Variants in EPN2 observed in about 807,000 individuals in gnomAD.
EPN2 encodes epsin-2.
A neutral mutation model predicts 61.7 loss-of-function variants in EPN2; 34 were observed. The ratio of observed to expected loss-of-function variants is 0.55; its 90% CI spans 0.42 to 0.73. The LOEUF (loss-of-function observed/expected upper bound fraction) is 0.73, where lower values mean the gene tolerates loss of function less well. EPN2 is among the 30% of genes least tolerant of loss of function. The pLI, the probability that EPN2 is intolerant of heterozygous loss-of-function variation, is 0.00. For synonymous variants in EPN2, 349 were observed against 353.6 expected, an observed-to-expected ratio of 0.99 and a Z score of 0.15; for missense variants, 714 against 839.2, an observed-to-expected ratio of 0.85 and a Z score of 1.84.
chr17:19,244,121 A>G (rs761288640), intron 1 of EPN2, among the ~76,000 whole-genome samples: 1 of 152,236 alleles, frequency 6.6e-6, no homozygotes, highest in Non-Finnish European at 1.5e-5. Context: ...CAGGTTCATC[A>G]TTCTCACACA....
At chr17:19,264,305 A>C (rs2045173739) in intron 1 of EPN2, among the ~76,000 whole-genome samples, 1 of 152,226 alleles carries the variant, frequency 6.6e-6, no homozygotes, top group South Asian at 2.1e-4. Flanking sequence ...TTTAGTGCGA[A>C]GTAAACTAAA....
intron 1 of EPN2, among the ~76,000 whole-genome samples, chr17:19,277,941 T>C (rs1490753435): frequency 2.0e-5 from 3 of 151,700 alleles, no homozygotes; most frequent in Non-Finnish European, 4.4e-5. Flanking sequence ...GGCGTGGTGG[T>C]GGGTGCCTGT....
intron 1 of EPN2, among the ~76,000 whole-genome samples, chr17:19,246,295 C>T (rs1049530804): frequency 3.9e-5 from 6 of 152,072 alleles, no homozygotes; most frequent in Non-Finnish European, 7.4e-5. Flanking sequence ...AGACAGAGGT[C>T]GCAGTGAGCT....
At chr17:19,309,509 C>T (rs1231515144) in intron 4 of EPN2, among the ~76,000 whole-genome samples, 3 of 152,110 alleles carry the variant, frequency 2.0e-5, no homozygotes, top group African/African-American at 7.2e-5. Context: ...TTGAAGGATG[C>T]TCTTTGGTTC....
intron 9 of EPN2, 29 bp downstream of exon 9, chr17:19,329,676 A>G (rs376797407): frequency 1.5e-6 from 2 of 1,354,048 alleles, no homozygotes; most frequent in Non-Finnish European, 1.1e-6. Context: ...GGTTTCCATA[A>G]TCCTCCGTGC....
At chr17:19,276,748 G>A (rs887559865) in intron 1 of EPN2, among the ~76,000 whole-genome samples, 1 of 142,012 alleles carries the variant, frequency 7.0e-6, no homozygotes, top group Non-Finnish European at 1.5e-5. Flanking sequence ...CCTTTCAATT[G>A]TCAGTATGTA....
At chr17:19,313,376 G>T (rs1406421760) in intron 7 of EPN2, 97 bp downstream of exon 7, 2 of 1,203,550 alleles carry the variant, frequency 1.7e-6, no homozygotes, top group African/African-American at 1.6e-5. Context: ...GGGTCTGGTC[G>T]ATTGTGGTGG....
At chr17:19,247,865 G>A (rs1331560987) in intron 1 of EPN2, among the ~76,000 whole-genome samples, 1 of 152,204 alleles carries the variant, frequency 6.6e-6, no homozygotes, top group African/African-American at 2.4e-5. Context: ...GTTGAGTTGT[G>A]TTTAGGGAGT....
intron 1 of EPN2, among the ~76,000 whole-genome samples, chr17:19,253,260 G>C (rs889585152): frequency 6.6e-6 from 1 of 152,032 alleles, no homozygotes; most frequent in Non-Finnish European, 1.5e-5. Flanking sequence ...CACCTAGTAT[G>C]TTTTCCAAGT....
Position 19,329,636 on chromosome 17 carries a change from C to CA in EPN2, c.1408dup (p.Thr470AsnfsTer19), listed in dbSNP as rs756461692. On this transcript the variant is annotated frameshift_variant, in exon 9 of 11. Coordinates refer to ENST00000314728, the MANE Select transcript of EPN2 (RefSeq NM_014964.5). LOFTEE classifies it high-confidence loss of function. The stretch of plus-strand genomic sequence containing the variant: ...TCTGAATTTGACAACCTTCGGACTT[C>CA]AAAAAAAACAGGTATGTACAGGTGA... 135 of 1,593,368 alleles carry CA rather than the reference C, an allele frequency of 8.5e-5. No homozygotes were observed. Among genetic ancestry groups the CA allele is most frequent in the Non-Finnish European group, 1.0e-4 (118 of 1,164,516 alleles).
chr17:19,286,803 T>C (rs557557786), intron 4 of EPN2, among the ~76,000 whole-genome samples: 1 of 152,226 alleles, frequency 6.6e-6, no homozygotes, highest in Non-Finnish European at 1.5e-5. Context: ...TTTTGGCTTC[T>C]TCTAAACTGA....
At chr17:19,307,199 C>T (rs145977090) in intron 4 of EPN2, among the ~76,000 whole-genome samples, 1 of 152,154 alleles carries the variant, frequency 6.6e-6, no homozygotes, top group Non-Finnish European at 1.5e-5. Context: ...TTTCTTTACC[C>T]TCTAGCTTTA....
chr17:19,248,431 A>G (rs562823338), intron 1 of EPN2: 1 of 152,294 alleles, frequency 6.6e-6, no homozygotes, highest in East Asian at 1.9e-4. Flanking sequence ...GTTCCTCCCC[A>G]CACCCTAAAT....
At position 19,283,193 on chromosome 17, in the gene EPN2, G is replaced by A. The variant is rs748505506; in HGVS notation, c.74G>A (p.Arg25Gln). 1.9e-6 allele frequency: 3 copies of A among 1,614,160 alleles called. No homozygotes were observed. Among genetic ancestry groups the A allele is most frequent in the Non-Finnish European group, 2.5e-6 (3 of 1,180,024 alleles). The change falls in exon 3 of 11, where the codon CGG becomes CAG. Residue 25 changes from arginine (R) to glutamine (Q), a missense_variant. Physicochemically the swap from Arg to Gln is conservative, Grantham distance 43 (BLOSUM62 1). Around this residue, in one of 2 missense-constraint regions of EPN2, gnomAD observed 304 missense variants for 417.4 expected, o/e 0.73. Transcript: ENST00000314728. The surrounding 1 kb of genome is among the most constrained non-coding windows in gnomAD (Gnocchi z 7.0). ...TACTCAGAGGCAGAAATCAAAGTCC[G>A]GGAAGCCACCTCCAATGACCCGTGG... The part of the protein sequence containing the change: ...NNYSEAEIKV[R>Q]EATSNDPWGP...
Position 19,331,864 on chromosome 17 carries a change from A to G in EPN2, c.1423A>G (p.Thr475Ala). 1 of 1,613,698 alleles carries G rather than the reference A, an allele frequency of 6.2e-7. No individual in the cohort carries two copies. Among genetic ancestry groups the G allele is most frequent in the Non-Finnish European group, 8.5e-7 (1 of 1,179,836 alleles). The change falls in exon 10 of 11, where the codon ACC (threonine) becomes GCC (alanine). Residue 475 changes from threonine to alanine, a missense_variant. Physicochemically the swap from Thr to Ala is moderately conservative, Grantham distance 58 (BLOSUM62 0). Coordinates refer to ENST00000314728, the MANE Select transcript of EPN2 (RefSeq NM_014964.5). Reference protein sequence around the residue: ...RTSKKTAESVTSLPSQNNGTT... With the variant: ...RTSKKTAESVASLPSQNNGTT... Reference sequence around the variant, plus strand: ...TCCTTGTCTTGTAGCCGAATCTGTGACCTCTCTGCCATCCCAAAACAATGG... The same window carrying G: ...TCCTTGTCTTGTAGCCGAATCTGTGGCCTCTCTGCCATCCCAAAACAATGG...
intron 7 of EPN2, among the ~76,000 whole-genome samples, chr17:19,314,961 C>G (rs1162144964): frequency 6.6e-6 from 1 of 152,222 alleles, no homozygotes; most frequent in Non-Finnish European, 1.5e-5. Flanking sequence ...AAAGACTGTT[C>G]ATTAAACTGT....
intron 1 of EPN2, among the ~76,000 whole-genome samples, chr17:19,270,720 C>T (rs1433170798): frequency 1.3e-5 from 2 of 152,176 alleles, no homozygotes; most frequent in Non-Finnish European, 2.9e-5. Flanking sequence ...GGACATAATC[C>T]CTGTGGCCGG....
intron 1 of EPN2, among the ~76,000 whole-genome samples, chr17:19,268,097 T>C (rs540472142): frequency 6.6e-6 from 1 of 152,320 alleles, no homozygotes; most frequent in South Asian, 2.1e-4. Flanking sequence ...GTTCTCACTC[T>C]GCCCGCAGAG....
intron 4 of EPN2, chr17:19,308,555 A>G: frequency 1.0e-6 from 1 of 985,420 alleles, no homozygotes; most frequent in Non-Finnish European, 1.2e-6. Flanking sequence ...ACACAGCATC[A>G]GGATGGAGGG....
Sources: allele counts gnomAD v4.1 joint callset (sites outside exome capture counted in the v4.1 genomes callset), GRCh38; gene constraint gnomAD v4.1.1; regional missense constraint gnomAD v4.1.1; non-coding constraint Gnocchi (gnomAD v3.1); transcripts MANE v1.5; gene names NCBI Gene and HGNC (gene_info 2026-07-23, HGNC 2026-07-21).